JUP: variants seen among roughly 807,000 people sequenced by gnomAD.
The protein encoded by JUP is junction plakoglobin.
A neutral mutation model predicts 71.1 loss-of-function variants in JUP; 28 were observed. The ratio of observed to expected loss-of-function variants is 0.39; its 90% CI spans 0.29 to 0.54. The LOEUF (loss-of-function observed/expected upper bound fraction) is 0.54, where lower values mean the gene tolerates loss of function less well. Among genes scored for constraint, JUP ranks in the 20% least tolerant of loss-of-function variants. The pLI, the probability that JUP is intolerant of heterozygous loss-of-function variation, is 0.62. For synonymous variants in JUP, 401 were observed against 438.9 expected (o/e 0.91, Z 1.08); for missense variants, 869 against 1,030.1 (o/e 0.84, Z 2.14).
At position 41,768,918 on chromosome 17, in the gene JUP, G is replaced by A. The variant is rs369148593; in HGVS notation, c.707+51C>T. 304 of 1,373,608 alleles carry A rather than the reference G, an allele frequency of 2.2e-4. No homozygotes were observed. The African/African-American group carries it at 3.9e-3, about 17-fold the overall frequency. The allele number at this position is 1,373,608 out of a possible 1,614,324, so 85.1% of individuals were successfully genotyped here. A position where few individuals can be genotyped will look rare whatever the true frequency, so the allele number is the denominator to read the frequency against. ...GGAAGCTCAGGGAAGGGAGGGGAGA[G>A]GCCCAAGTGAGAGGGGGTCCTGGGC... On this transcript the variant is annotated intron_variant, in intron 4 of 13. Transcript: ENST00000393931.
chr17:41,775,361 G>T (rs139882347), intron 1 of JUP, among the ~76,000 whole-genome samples: 1 of 152,332 alleles, frequency 6.6e-6, no homozygotes, highest in African/African-American at 2.4e-5. Context: ...AGGAAGGCTG[G>T]AAGTCAGACC....
chr17:41,756,240 G>A (rs782003923), intron 12 of JUP, 26 bp from the exon 13 acceptor site: 2 of 1,612,244 alleles, frequency 1.2e-6, no homozygotes, highest in East Asian at 2.2e-5. Flanking sequence ...GAAACATGGA[G>A]GGGAGGTTTG....
chr17:41,755,380 TTC>T lies in JUP; in HGVS notation c.*362_*363del. Reference sequence around the variant, plus strand: ...CCCGGCTTCCCCAGCTCAGGCACTTTTCTGTCTTGCCCCATCGCCTGCACGGA... The same window carrying T: ...CCCGGCTTCCCCAGCTCAGGCACTTTTGTCTTGCCCCATCGCCTGCACGGA... On this transcript the variant is annotated 3_prime_UTR_variant, in exon 14 of 14. Transcript: ENST00000393931. 3 of 405,612 alleles carry T rather than the reference TTC, an allele frequency of 7.4e-6. No individual in the cohort carries two copies. Among genetic ancestry groups the T allele is most frequent in the Non-Finnish European group, 8.7e-6 (2 of 230,396 alleles). 25.1% of individuals were successfully genotyped at this position (405,612 alleles called of 1,614,324 possible).
At chr17:41,767,252 T>G in intron 5 of JUP, 127 bp downstream of exon 5, 1 of 739,928 alleles carries the variant, frequency 1.4e-6, no homozygotes, top group Middle Eastern at 3.7e-4. Context: ...AGTCGCATGA[T>G]GAAGCATGTA....
chr17:41,767,194 G>A (rs1915871372), intron 5 of JUP, among the ~76,000 whole-genome samples, 185 bp downstream of exon 5: 1 of 152,150 alleles, frequency 6.6e-6, no homozygotes, highest in Admixed American at 6.6e-5. Flanking sequence ...ATGAGGATGA[G>A]TGATTTTTTT....
intron 1 of JUP, among the ~76,000 whole-genome samples, chr17:41,779,789 C>T (rs996278315): frequency 5.3e-5 from 8 of 151,972 alleles, no homozygotes; most frequent in African/African-American, 1.9e-4. Context: ...CCTCAGCCTC[C>T]CGAGTAGCTA....
chr17:41,777,857 CTCT>C (rs2046959672), intron 1 of JUP, among the ~76,000 whole-genome samples: 1 of 152,230 alleles, frequency 6.6e-6, no homozygotes, highest in South Asian at 2.1e-4. Flanking sequence ...ACCCAGGGAC[CTCT>C]ATGCTCCCCT....
intron 4 of JUP, among the ~76,000 whole-genome samples, chr17:41,768,633 T>C (rs1916085191): frequency 2.0e-5 from 3 of 152,082 alleles, no homozygotes; most frequent in Non-Finnish European, 4.4e-5. Context: ...TGCAAGGGAC[T>C]TTGCATTTGC....
At chr17:41,766,156 A>G (rs1555603944) in intron 5 of JUP, among the ~76,000 whole-genome samples, 1 of 152,056 alleles carries the variant, frequency 6.6e-6, no homozygotes, top group African/African-American at 2.4e-5. Flanking sequence ...GAAGACTAAG[A>G]TGGGAGGAAT....
intron 1 of JUP, among the ~76,000 whole-genome samples, chr17:41,773,169 C>A (rs1916924765): frequency 6.6e-6 from 1 of 152,208 alleles, no homozygotes; most frequent in Admixed American, 6.5e-5. Context: ...GGCTGGTCCA[C>A]CCATGAAGCC....
intron 8 of JUP, among the ~76,000 whole-genome samples, chr17:41,762,276 T>C (rs1373593135): frequency 7.3e-5 from 11 of 151,360 alleles, no homozygotes; most frequent in Non-Finnish European, 1.2e-4. Context: ...TGTCTCACTA[T>C]GTTACCCACG....
chr17:41,783,043 G>A (rs1189261926), intron 1 of JUP, among the ~76,000 whole-genome samples: 1 of 151,076 alleles, frequency 6.6e-6, no homozygotes, highest in African/African-American at 2.4e-5. Flanking sequence ...GTTACAGTGA[G>A]CCGAGATCGC....
intron 5 of JUP, among the ~76,000 whole-genome samples, chr17:41,765,967 A>G (rs1915648810): frequency 6.6e-6 from 1 of 152,220 alleles, no homozygotes; most frequent in East Asian, 1.9e-4. Flanking sequence ...ATGAAATGCT[A>G]TCTGTAGGCT....
Position 41,769,019 on chromosome 17 carries a change from C to T in JUP, c.657G>A (p.Leu219=). Residue 219 remains leucine, a synonymous_variant, in exon 4 of 14, where the codon CTG becomes CTA. Transcript: ENST00000393931. The part of the protein sequence containing the change: ...LHNLSHHREG[L]LAIFKSGGIP... Reference sequence around the variant, plus strand: ...TGCCACCCGACTTGAAGATGGCGAGCAGCCCCTCCCGGTGGTGGGAGAGGT... The same window carrying T: ...TGCCACCCGACTTGAAGATGGCGAGTAGCCCCTCCCGGTGGTGGGAGAGGT... The T allele has an allele frequency of 6.2e-7, 1 of 1,610,970 alleles. No homozygotes were observed. The highest frequency in any genetic ancestry group is 1.1e-5 in the South Asian group (1 of 90,520).
In JUP at chr17:41,765,005, A is replaced by G. The variant is rs781889333; in HGVS notation, c.972T>C (p.Tyr324=). Residue 324 remains tyrosine, a synonymous_variant, in exon 6 of 14, where the codon TAT becomes TAC. Transcript: ENST00000393931. The part of the protein sequence containing the change: ...ALVQIMRNYS[Y]EKLLWTTSRV... ...GACTGGTGGTCCAGAGCAGCTTTTC[A>G]TAACTGTAGTTACGCATGATCTGCA... 1.1e-4 allele frequency: 180 copies of G among 1,613,986 alleles called. No individual in the cohort carries two copies. Among genetic ancestry groups the G allele is most frequent in the Non-Finnish European group, 1.4e-4 (163 of 1,180,010 alleles).
rs782053190 is a variant in JUP, at chr17:41,771,654, G to A, written c.201C>T (p.Pro67=). 9 of 1,612,878 alleles carry A rather than the reference G, an allele frequency of 5.6e-6. 2 individuals are homozygous for A. The South Asian group carries it at 9.9e-5, about 18-fold the overall frequency. ...GTCCCCAGGGGTCCTGACCTTGGCT[G>A]GGGGGCACCCCCTGGGTGTAAGTGG... ...KTTTYTQGVP[P]SQGDLEYQMS... is the part of the protein sequence containing the mutation. The change falls in exon 2 of 14, where the codon CCC becomes CCT. Residue 67 remains proline, a synonymous_variant. Transcript: ENST00000393931.
At chr17:41,778,894 G>C (rs1555609578) in intron 1 of JUP, among the ~76,000 whole-genome samples, 3 of 149,580 alleles carry the variant, frequency 2.0e-5, no homozygotes, top group Non-Finnish European at 3.0e-5. Flanking sequence ...CTGGGTGACA[G>C]AGCGAGACTC....
In JUP at chr17:41,769,609, C is replaced by T. The variant is rs1555605915; in HGVS notation, c.277G>A (p.Val93Met). The change falls in exon 3 of 14, where the codon GTG (valine) becomes ATG (methionine). Residue 93 changes from valine (V) to methionine (M), a missense_variant. Coordinates refer to ENST00000393931, the MANE Select transcript of JUP (RefSeq NM_002230.4). ...AGAAGCGAGCTGTCCTCGCCTGACACACCAGGGCACATGGCCTCCCGCACC... is the reference window on the plus strand; with the variant it reads ...AGAAGCGAGCTGTCCTCGCCTGACATACCAGGGCACATGGCCTCCCGCACC... ...KRVREAMCPG[V>M]SGEDSSLLLA... is the part of the protein sequence containing the mutation. 6.2e-7 allele frequency: 1 copy of T among 1,605,568 alleles called. No individual in the cohort carries two copies. The highest frequency in any genetic ancestry group is 2.2e-5 in the East Asian group (1 of 44,602).
At chr17:41,761,218 T>G (rs1914752341) in intron 8 of JUP, among the ~76,000 whole-genome samples, 1 of 152,192 alleles carries the variant, frequency 6.6e-6, no homozygotes, top group African/African-American at 2.4e-5. Context: ...CAGAATCCTC[T>G]GTGCCCTGTG....
Sources: gnomAD v4.1 joint callset for allele counts (sites outside exome capture counted in the v4.1 genomes callset) on GRCh38, gnomAD v4.1.1 for gene constraint, MANE v1.5 for transcripts, NCBI Gene and HGNC (gene_info 2026-07-23, HGNC 2026-07-21) for gene names.